Variants in SHFL observed in about 807,000 individuals in gnomAD.
The protein encoded by SHFL is shiftless antiviral inhibitor of ribosomal frameshifting protein.
SHFL carries 12 observed loss-of-function variants against 34.7 expected under a neutral mutation model. That is an observed-to-expected ratio of 0.35 (90% CI 0.22 to 0.56). SHFL has a LOEUF of 0.56. SHFL is among the 20% of genes least tolerant of loss of function. The probability of loss-of-function intolerance (pLI) is 0.88; values close to 1 mark genes in which losing one functional copy is unlikely to be tolerated. For synonymous variants in SHFL, 148 were observed against 156.0 expected, an observed-to-expected ratio of 0.95 and a Z score of 0.38; for missense variants, 278 against 411.1, an observed-to-expected ratio of 0.68 and a Z score of 2.80.
At position 10,087,252 on chromosome 19, in the gene SHFL, G is replaced by A. The variant is rs2088303602; in HGVS notation, c.147G>A (p.Gly49=). 6.2e-7 allele frequency: 1 copy of A among 1,614,026 alleles called. No homozygotes were observed. Among genetic ancestry groups the A allele is most frequent in the East Asian group, 2.2e-5 (1 of 44,878 alleles). Reference sequence around the variant, plus strand: ...CCTTATATGCACTCTCCCCCGCAGGGGTAAAGCAAAAAGATGGCCAAGAAC... The same window carrying A: ...CCTTATATGCACTCTCCCCCGCAGGAGTAAAGCAAAAAGATGGCCAAGAAC... ...HTGVGRSIVY[G]VKQKDGQELS... The change falls in exon 3 of 8, where the codon GGG becomes GGA. Residue 49 remains glycine (G), a splice_region_variant and synonymous_variant. Coordinates refer to ENST00000253110, the MANE Select transcript of SHFL (RefSeq NM_018381.4).
chr19:10,090,021 T>A lies in SHFL; in HGVS notation c.358T>A (p.Trp120Arg). 1 of 1,605,366 alleles carries A rather than the reference T, an allele frequency of 6.2e-7. No individual in the cohort carries two copies. The highest frequency in any genetic ancestry group is 2.2e-5 in the East Asian group (1 of 44,566). The change falls in exon 5 of 8, where the codon TGG becomes AGG. Residue 120 changes from tryptophan (W) to arginine (R), a missense_variant. Trp to Arg is a moderately radical substitution (Grantham distance 101). This residue lies in a region of SHFL where 243 missense variants were observed against 386.2 expected (regional missense o/e 0.63). Coordinates refer to ENST00000253110, the MANE Select transcript of SHFL (RefSeq NM_018381.4). Reference sequence around the variant, plus strand: ...CTGCTCCTCCTGCGACCACGTCTGGTGGCGCCGCGTGCCCCAGCGGAAGGA... The same window carrying A: ...CTGCTCCTCCTGCGACCACGTCTGGAGGCGCCGCGTGCCCCAGCGGAAGGA... ...FACSSCDHVW[W>R]RRVPQRKEVS...
At position 10,086,332 on chromosome 19, in the gene SHFL, G is replaced by T; in HGVS notation, c.-96G>T. 8.8e-7 allele frequency: 1 copy of T among 1,140,496 alleles called. No homozygotes were observed. The allele number at this position is 1,140,496 out of a possible 1,614,324, so 70.6% of individuals were successfully genotyped here. ...AGCCGGCCCCGAGGCACCGCCCCCT[G>T]CCCTGCGCGGCTGCTGGACCGACGG... is the stretch of plus-strand genomic sequence containing the variant. On this transcript the variant is annotated 5_prime_UTR_variant, in exon 1 of 8. Transcript: ENST00000253110. The surrounding 1 kb of genome is among the most constrained non-coding windows in gnomAD (Gnocchi z 5.2).
In SHFL at chr19:10,087,317, C is replaced by T. The variant is rs1224086723; in HGVS notation, c.195+17C>T. On this transcript the variant is annotated intron_variant, in intron 3 of 7. Coordinates refer to ENST00000253110, the MANE Select transcript of SHFL (RefSeq NM_018381.4). Reference sequence around the variant, plus strand: ...GATGCCCAGGTAACCTATCCCCTCCCCTCGCAAAGGACCGGGTCACGGGAG... The same window carrying T: ...GATGCCCAGGTAACCTATCCCCTCCTCTCGCAAAGGACCGGGTCACGGGAG... The T allele has an allele frequency of 6.2e-7, 1 of 1,613,878 alleles. No individual in the cohort carries two copies. Among genetic ancestry groups the T allele is most frequent in the African/African-American group, 1.3e-5 (1 of 74,926 alleles).
At chr19:10,089,156 C>T in intron 3 of SHFL, 1 of 692,492 alleles carries the variant, frequency 1.4e-6, no homozygotes, top group South Asian at 1.7e-5. Context: ...GCAGGGGCAG[C>T]TGCGATTTGA....
At position 10,090,189 on chromosome 19, in the gene SHFL, G is replaced by C. The variant is rs531325531; in HGVS notation, c.384+142G>C. Reference sequence around the variant, plus strand: ...ACCTCCAAACTCAGAGCTCAGCCTTGATCTCTGATCCCAACCCCTGACCCA... The same window carrying C: ...ACCTCCAAACTCAGAGCTCAGCCTTCATCTCTGATCCCAACCCCTGACCCA... On this transcript the variant is annotated intron_variant, in intron 5 of 7. Transcript: ENST00000253110. 105 of 944,426 alleles carry C rather than the reference G, an allele frequency of 1.1e-4. No homozygotes were observed. The African/African-American group carries it at 1.4e-3, about 12-fold the overall frequency. The allele number at this position is 944,426 out of a possible 1,614,324, so 58.5% of individuals were successfully genotyped here.
Position 10,090,065 on chromosome 19 carries a change from A to T in SHFL, c.384+18A>T, listed in dbSNP as rs1045269393. On this transcript the variant is annotated intron_variant, in intron 5 of 7. Coordinates refer to ENST00000253110, the MANE Select transcript of SHFL (RefSeq NM_018381.4). ...GGAAGGAGGTGATGACCTAAAACTT[A>T]ACCTCGACTTTGACTGTCCCGAACT... 3.8e-6 allele frequency: 6 copies of T among 1,592,604 alleles called. No homozygotes were observed. Among genetic ancestry groups the T allele is most frequent in the Admixed American group, 3.5e-5 (2 of 56,874 alleles).
chr19:10,086,974 G>T lies in SHFL; in HGVS notation c.67G>T (p.Val23Leu), dbSNP rs1321802314. The change falls in exon 2 of 8, where the codon GTA (valine) becomes TTA (leucine). Residue 23 changes from valine to leucine, a missense_variant. Around this residue, in one of 2 missense-constraint regions of SHFL, gnomAD observed 243 missense variants for 386.2 expected, o/e 0.63. Coordinates refer to ENST00000253110, the MANE Select transcript of SHFL (RefSeq NM_018381.4). The surrounding 1 kb of genome is among the most constrained non-coding windows in gnomAD (Gnocchi z 5.2). ...CCTCCGGGAGAAGTTTCATGGGAAG[G>T]TATCCTCCAAGAAGGCGGGGGCTCT... ...RRLREKFHGK[V>L]SSKKAGALMR... 3 of 1,613,812 alleles carry T rather than the reference G, an allele frequency of 1.9e-6. No homozygotes were observed. Among genetic ancestry groups the T allele is most frequent in the South Asian group, 2.2e-5 (2 of 91,060 alleles).
chr19:10,088,872 G>A (rs560628857), intron 3 of SHFL, among the ~76,000 whole-genome samples: 1 of 151,456 alleles, frequency 6.6e-6, no homozygotes, highest in South Asian at 2.1e-4. Flanking sequence ...ACTTGAACCT[G>A]GGAGGCAGAG....
rs762374478 is a variant in SHFL, at chr19:10,091,369, C to A, written c.488+16C>A. On this transcript the variant is annotated intron_variant, in intron 6 of 7. Coordinates refer to ENST00000253110, the MANE Select transcript of SHFL (RefSeq NM_018381.4). The surrounding 1 kb of genome is among the most constrained non-coding windows in gnomAD (Gnocchi z 8.2). ...ACAACTTCCGGTGAGGGCGCTGACC[C>A]CCAGCTCCCCCTCAGCCCTGCCCTA... 1.2e-6 allele frequency: 2 copies of A among 1,607,630 alleles called. No individual in the cohort carries two copies. The highest frequency in any genetic ancestry group is 2.7e-5 in the African/African-American group (2 of 74,760).
chr19:10,088,000 C>T (rs991704979), intron 3 of SHFL: 2 of 152,304 alleles, frequency 1.3e-5, no homozygotes, highest in Admixed American at 6.5e-5. Context: ...GTGGCTCACG[C>T]CTGCAATCCC....
At chr19:10,090,205 C>T (rs1232363072) in intron 5 of SHFL, 158 bp downstream of exon 5, 12 of 816,396 alleles carry the variant, frequency 1.5e-5, no homozygotes, top group Non-Finnish European at 1.7e-5. Context: ...TGATCCCAAC[C>T]CCTGACCCAG....
Position 10,091,433 on chromosome 19 carries a change from C to T in SHFL, c.489-43C>T, listed in dbSNP as rs754543483. ...CCTCCCTGCCCTGGCCCCACCCTGG[C>T]CCAGCCTCGCCCTCGGACCCTCACA... is the stretch of plus-strand genomic sequence containing the variant. On this transcript the variant is annotated intron_variant, in intron 6 of 7. Transcript: ENST00000253110. The surrounding 1 kb of genome is among the most constrained non-coding windows in gnomAD (Gnocchi z 8.2). 1 of 1,448,158 alleles carries T rather than the reference C, an allele frequency of 6.9e-7. No individual in the cohort carries two copies. The highest frequency in any genetic ancestry group is 1.2e-5 in the South Asian group (1 of 83,372). 89.7% of individuals were successfully genotyped at this position (1,448,158 alleles called of 1,614,324 possible).
At position 10,086,640 on chromosome 19, in the gene SHFL, C is replaced by T; in HGVS notation, c.21+192C>T. ...TTTCCCCAGAGCGAAATGAGGCCTCCCCGAGGAAAAGCGGGGGCTGCAGGG... is the reference window on the plus strand; with the variant it reads ...TTTCCCCAGAGCGAAATGAGGCCTCTCCGAGGAAAAGCGGGGGCTGCAGGG... On this transcript the variant is annotated intron_variant, in intron 1 of 7. Coordinates refer to ENST00000253110, the MANE Select transcript of SHFL (RefSeq NM_018381.4). The surrounding 1 kb of genome is among the most constrained non-coding windows in gnomAD (Gnocchi z 5.2). The T allele has an allele frequency of 1.7e-6, 1 of 580,614 alleles. No homozygotes were observed. The highest frequency in any genetic ancestry group is 3.2e-5 in the East Asian group (1 of 31,546). The allele number at this position is 580,614 out of a possible 1,614,324, so 36.0% of individuals were successfully genotyped here.
chr19:10,087,597 G>A, intron 3 of SHFL: 1 of 453,584 alleles, frequency 2.2e-6, no homozygotes, highest in Non-Finnish European at 4.0e-6. Context: ...GCAGAGGTCA[G>A]AGAAGGCTTA....
intron 3 of SHFL, chr19:10,089,159 C>A: frequency 1.4e-6 from 1 of 707,904 alleles, no homozygotes; most frequent in Non-Finnish European, 2.4e-6. Flanking sequence ...GGGGCAGCTG[C>A]GATTTGAACC....
rs756403900 is a variant in SHFL at position 10,092,279 on chromosome 19, G to A, written c.853G>A (p.Glu285Lys). Residue 285 changes from glutamate to lysine, a missense_variant, in exon 8 of 8, where the codon GAG becomes AAG. Transcript: ENST00000253110. ...EEEEEEEVED[E>K]EGGPRE ...GGAGGAAGAGGAGGAGGTGGAGGAC[G>A]AGGAGGGCGGGCCCAGGGAGTGACC... is the stretch of plus-strand genomic sequence containing the variant. 14 of 1,588,940 alleles carry A rather than the reference G, an allele frequency of 8.8e-6. No homozygotes were observed. Among genetic ancestry groups the A allele is most frequent in the African/African-American group, 6.7e-5 (5 of 74,398 alleles).
At position 10,089,638 on chromosome 19, in the gene SHFL, C is replaced by T. The variant is rs1427191181; in HGVS notation, c.196-19C>T. 1 of 1,584,572 alleles carries T rather than the reference C, an allele frequency of 6.3e-7. No homozygotes were observed. Among genetic ancestry groups the T allele is most frequent in the East Asian group, 2.3e-5 (1 of 43,548 alleles). Reference sequence around the variant, plus strand: ...CCTGAGCCCCATCCCCAGTTTCTGCCCCTGCTATCTCCACCCAGGATCCAC... The same window carrying T: ...CCTGAGCCCCATCCCCAGTTTCTGCTCCTGCTATCTCCACCCAGGATCCAC... On this transcript the variant is annotated intron_variant, in intron 3 of 7. Transcript: ENST00000253110.
Position 10,086,699 on chromosome 19 carries a change from C to A in SHFL, c.22-230C>A. Reference sequence around the variant, plus strand: ...CAGAGGCCAGAGATAACCTGGCCGCCCCCCCACACCTTAGGCTGGGACGCT... The same window carrying A: ...CAGAGGCCAGAGATAACCTGGCCGCACCCCCACACCTTAGGCTGGGACGCT... On this transcript the variant is annotated intron_variant, in intron 1 of 7. Transcript: ENST00000253110. This position sits in a 1 kb window ranked among gnomAD's most constrained non-coding sequence, Gnocchi z 5.2. The A allele has an allele frequency of 1.7e-6, 1 of 599,162 alleles. No individual in the cohort carries two copies. The highest frequency in any genetic ancestry group is 2.9e-6 in the Non-Finnish European group (1 of 347,372). The allele number at this position is 599,162 out of a possible 1,614,324, so 37.1% of individuals were successfully genotyped here.
intron 5 of SHFL, chr19:10,090,277 T>C: frequency 1.8e-6 from 1 of 562,890 alleles, no homozygotes; most frequent in East Asian, 3.0e-5. Flanking sequence ...AACCTGACCC[T>C]TGACCCACAA....
Sources: allele counts gnomAD v4.1 joint callset (sites outside exome capture counted in the v4.1 genomes callset), GRCh38; gene constraint gnomAD v4.1.1; regional missense constraint gnomAD v4.1.1; non-coding constraint Gnocchi (gnomAD v3.1); transcripts MANE v1.5; gene names NCBI Gene and HGNC (gene_info 2026-07-23, HGNC 2026-07-21).